Variants in RBFOX3 observed in about 807,000 individuals in gnomAD.
RBFOX3 encodes the protein RNA binding protein fox-1 homolog 3.
In RBFOX3, 17 loss-of-function variants were observed where a neutral mutation model predicts 48.7. That is an observed-to-expected ratio of 0.35 (90% confidence interval 0.24 to 0.52). RBFOX3 has a LOEUF of 0.52. RBFOX3 is among the 20% of genes least tolerant of loss of function. The pLI, the probability that RBFOX3 is intolerant of heterozygous loss-of-function variation, is 0.94. For missense variants in RBFOX3, 382 were observed against 497.5 expected (o/e 0.77, Z 2.21); for synonymous variants, 212 against 209.5 (o/e 1.01, Z -0.10).
intron 4 of RBFOX3, among the ~76,000 whole-genome samples, chr17:79,158,673 G>A (rs1307631199): frequency 6.6e-6 from 1 of 152,214 alleles, no homozygotes; most frequent in African/African-American, 2.4e-5. Flanking sequence ...AGGGCTCAGA[G>A]CTCACTGTTT....
rs111603733 is a variant in RBFOX3, at chr17:79,391,721, A to T, written c.-174-83897T>A. On this transcript the variant is annotated intron_variant, in intron 2 of 14. Transcript: ENST00000693108. The surrounding 1 kb of genome is among the most constrained non-coding windows in gnomAD (Gnocchi z 5.0). The stretch of plus-strand genomic sequence containing the variant: ...GCGTGTGAGCGTGTGTGGGCACAGG[A>T]AAGTCTGTGTGCACGTGTGAGTTAG... Among the ~76,000 whole-genome samples the T allele has an allele frequency of 4.0e-3, 607 of 152,200 alleles. 2 individuals are homozygous for T. Among genetic ancestry groups the T allele is most frequent in the African/African-American group, 0.014 (572 of 41,516 alleles).
At chr17:79,604,668 G>A (rs1273844059) in intron 1 of RBFOX3, among the ~76,000 whole-genome samples, 1 of 152,202 alleles carries the variant, frequency 6.6e-6, no homozygotes, top group East Asian at 1.9e-4. Flanking sequence ...TAAGAGTTTG[G>A]AGCTATGAAA....
intron 1 of RBFOX3, among the ~76,000 whole-genome samples, chr17:79,569,333 G>T: frequency 6.6e-6 from 1 of 152,238 alleles, no homozygotes; most frequent in South Asian, 2.1e-4. Flanking sequence ...ATCATGCAAC[G>T]TGTGGCCTTT....
At chr17:79,540,970 G>T (rs1313117747) in intron 1 of RBFOX3, among the ~76,000 whole-genome samples, 1 of 152,104 alleles carries the variant, frequency 6.6e-6, no homozygotes, top group Non-Finnish European at 1.5e-5. Context: ...GGATCTGCAG[G>T]CCCAAGTATC....
At chr17:79,330,898 C>T (rs1037409360) in intron 2 of RBFOX3, among the ~76,000 whole-genome samples, 1 of 152,228 alleles carries the variant, frequency 6.6e-6, no homozygotes, top group Non-Finnish European at 1.5e-5. Flanking sequence ...CAGCCTGGGG[C>T]AGCCGTCGGC....
rs1470738121 is a variant in RBFOX3 at position 79,477,364 on chromosome 17, G to A, written c.-175+5090C>T. Among the ~76,000 whole-genome samples the A allele has an allele frequency of 7.7e-4, 116 of 151,264 alleles. 1 individual carries two copies. The East Asian group carries it at 0.019, about 25-fold the overall frequency. On this transcript the variant is annotated intron_variant, in intron 2 of 14. Transcript: ENST00000693108. The surrounding 1 kb of genome is among the most constrained non-coding windows in gnomAD (Gnocchi z 4.8). ...GAGGTCAGGAGATCGAGATCATCCT[G>A]GCTAACACGGTGAAACCCCGTCTCT...
chr17:79,476,392 C>T (rs2077764494), intron 2 of RBFOX3, among the ~76,000 whole-genome samples: 1 of 152,154 alleles, frequency 6.6e-6, no homozygotes, highest in Non-Finnish European at 1.5e-5. Context: ...AAATGTCACA[C>T]CAGTGCCAAA....
chr17:79,236,184 G>T (rs991132607), intron 3 of RBFOX3, among the ~76,000 whole-genome samples: 10 of 152,350 alleles, frequency 6.6e-5, no homozygotes, highest in Middle Eastern at 3.4e-3. Context: ...TGTTGATGGT[G>T]ACGTTTAGTT....
chr17:79,556,090 C>T (rs886431360), intron 1 of RBFOX3, among the ~76,000 whole-genome samples: 186 of 152,262 alleles, frequency 1.2e-3, no homozygotes, highest in African/African-American at 4.2e-3. Flanking sequence ...ATCATCCAGA[C>T]GCAATTCCTC....
rs1290330441 is a variant in RBFOX3 at position 79,212,724 on chromosome 17, C to T, written c.-34+23042G>A. On this transcript the variant is annotated intron_variant, in intron 4 of 14. Transcript: ENST00000693108. This position sits in a 1 kb window ranked among gnomAD's most constrained non-coding sequence, Gnocchi z 4.7. ...CACTACCACTTGTTTCCCCTTTTGT[C>T]CTAGAATGAGAAAAGCAGGCTGTGG... is the stretch of plus-strand genomic sequence containing the variant. Among the ~76,000 whole-genome samples, 1 of 152,128 alleles carries T rather than the reference C, an allele frequency of 6.6e-6. No homozygotes were observed. The highest frequency in any genetic ancestry group is 2.4e-5 in the African/African-American group (1 of 41,428).
intron 4 of RBFOX3, among the ~76,000 whole-genome samples, chr17:79,152,647 CG>C (rs2044815263): frequency 6.6e-6 from 1 of 152,184 alleles, no homozygotes; most frequent in Non-Finnish European, 1.5e-5. Context: ...CAGAAGGAGA[CG>C]GAAAAGGGGA....
At chr17:79,431,604 C>A (rs1034533007) in intron 2 of RBFOX3, among the ~76,000 whole-genome samples, 5 of 151,934 alleles carry the variant, frequency 3.3e-5, no homozygotes. Context: ...CCTGCCTCAG[C>A]CTCCTGAGTA....
chr17:79,184,126 C>T (rs1018096308), intron 4 of RBFOX3, among the ~76,000 whole-genome samples: 1 of 151,908 alleles, frequency 6.6e-6, no homozygotes, highest in Admixed American at 6.6e-5. Flanking sequence ...AATCCGAGGG[C>T]ATCTACGCAG....
chr17:79,128,020 T>C (rs2037778749), intron 4 of RBFOX3, among the ~76,000 whole-genome samples: 1 of 152,178 alleles, frequency 6.6e-6, no homozygotes, highest in African/African-American at 2.4e-5. Context: ...GCCCCCAAAA[T>C]ACACACCATG....
At chr17:79,620,359 G>A in the RBFOX3 span, among the ~76,000 whole-genome samples, 37 of 128,900 alleles carry the variant, frequency 2.9e-4, no homozygotes, top group South Asian at 9.3e-3. Flanking sequence ...ACACGGACAT[G>A]GACACACACG....
chr17:79,630,982 C>A, the RBFOX3 span, among the ~76,000 whole-genome samples: 1 of 152,274 alleles, frequency 6.6e-6, no homozygotes, highest in South Asian at 2.1e-4. Flanking sequence ...CTCTTCAGAA[C>A]CTCATGGCCA....
chr17:79,187,134 G>A (rs1340324631), intron 4 of RBFOX3, among the ~76,000 whole-genome samples: 3 of 152,242 alleles, frequency 2.0e-5, no homozygotes, highest in South Asian at 4.1e-4. Flanking sequence ...ACAAAAGGTG[G>A]GCCAAATGAG....
the RBFOX3 span, among the ~76,000 whole-genome samples, chr17:79,617,582 C>T: frequency 2.6e-5 from 4 of 152,174 alleles, no homozygotes; most frequent in African/African-American, 9.7e-5. Flanking sequence ...ACCACAGCAC[C>T]GTCTCCCACT....
chr17:79,097,914 A>C, intron 9 of RBFOX3, 169 bp from the exon 10 acceptor site: 1 of 666,210 alleles, frequency 1.5e-6, no homozygotes, highest in Non-Finnish European at 2.7e-6. Flanking sequence ...TGCTGAGTTC[A>C]AAACACCAGG....
Sources: gnomAD v4.1 joint callset for allele counts (sites outside exome capture counted in the v4.1 genomes callset) on GRCh38, gnomAD v4.1.1 for gene constraint, Gnocchi (gnomAD v3.1) non-coding constraint, MANE v1.5 for transcripts, NCBI Gene and HGNC (gene_info 2026-07-23, HGNC 2026-07-21) for gene names.